Variants in NTN5 observed in about 807,000 individuals in gnomAD.
The protein encoded by NTN5 is netrin 5.
NTN5 carries 42 observed loss-of-function variants against 38.7 expected under a neutral mutation model. The ratio of observed to expected loss-of-function variants is 1.08; its 90% CI spans 0.85 to 1.40. The LOEUF (loss-of-function observed/expected upper bound fraction) is 1.40, where lower values mean the gene tolerates loss of function less well. NTN5 is among the 40% of genes most tolerant of loss of function. The pLI is 0.00. For synonymous variants in NTN5, 329 were observed against 303.9 expected, an observed-to-expected ratio of 1.08 and a Z score of -0.86; for missense variants, 658 against 716.5, an observed-to-expected ratio of 0.92 and a Z score of 0.93.
At chr19:48,669,035 T>C (rs1232950736) in intron 2 of NTN5, among the ~76,000 whole-genome samples, 105 of 65,376 alleles carry the variant, frequency 1.6e-3, no homozygotes, top group East Asian at 4.3e-3. Flanking sequence ...CCACTATCAC[T>C]ATCATCACCA....
At chr19:48,669,035 TATC>T (rs1226461602) in intron 2 of NTN5, among the ~76,000 whole-genome samples, 10 of 65,562 alleles carry the variant, frequency 1.5e-4, no homozygotes, top group South Asian at 1.5e-3. Flanking sequence ...CCACTATCAC[TATC>T]ATCACCACCA....
intron 2 of NTN5, among the ~76,000 whole-genome samples, 157 bp downstream of exon 2, chr19:48,670,198 CT>C (rs937593195): frequency 1.2e-4 from 18 of 152,136 alleles, no homozygotes; most frequent in African/African-American, 4.3e-4. Context: ...ACAGGACTGG[CT>C]GCAGGGAGGA....
intron 5 of NTN5, 106 bp from the exon 6 acceptor site, chr19:48,663,649 A>T: frequency 6.6e-7 from 1 of 1,516,664 alleles, no homozygotes; most frequent in Non-Finnish European, 9.1e-7. Flanking sequence ...GGGGTACCCA[A>T]ACCTTTGGGA....
chr19:48,669,801 C>T (rs1177593160), intron 2 of NTN5, among the ~76,000 whole-genome samples: 19 of 87,790 alleles, frequency 2.2e-4, no homozygotes, highest in Middle Eastern at 8.2e-3. Flanking sequence ...ATCACCATCA[C>T]CACCATCATC....
At chr19:48,669,858 C>T (rs368766708) in intron 2 of NTN5, among the ~76,000 whole-genome samples, 10 of 103,568 alleles carry the variant, frequency 9.7e-5, no homozygotes, top group South Asian at 3.4e-4. Context: ...ACCATCACCA[C>T]CACCATCACC....
intron 2 of NTN5, among the ~76,000 whole-genome samples, chr19:48,669,780 A>AT (rs1430361517): frequency 2.0e-4 from 8 of 40,056 alleles, no homozygotes; most frequent in Non-Finnish European, 3.2e-4. Context: ...CATCACCATC[A>AT]CACCACCACC....
intron 2 of NTN5, 77 bp from the exon 3 acceptor site, chr19:48,664,844 C>G: frequency 3.8e-6 from 5 of 1,300,896 alleles, no homozygotes; most frequent in Non-Finnish European, 5.1e-6. Context: ...TCCCATGGCC[C>G]TGCCCTCATG....
At position 48,671,328 on chromosome 19, in the gene NTN5, C is replaced by T. The variant is rs559035901; in HGVS notation, c.-20-322G>A. 8.7e-5 allele frequency among the ~76,000 whole-genome samples: 13 copies of T among 149,986 alleles called. 1 individual carries two copies. The South Asian group carries it at 2.3e-3, about 27-fold the overall frequency. ...AGAGGGGCTGGCCAAGGCCAGCAGA[C>T]GTGGAAACCTAGAGAGGGACACAGA... On this transcript the variant is annotated intron_variant, in intron 1 of 6. Coordinates refer to ENST00000270235, the MANE Select transcript of NTN5 (RefSeq NM_145807.4).
Position 48,662,049 on chromosome 19 carries a change from G to A in NTN5, c.1106-8C>T. On this transcript the variant is annotated splice_polypyrimidine_tract_variant and splice_region_variant and intron_variant, in intron 6 of 6. Transcript: ENST00000270235. ...GCACCTGCGCGCGGAGAACTGTGGGGAGGGGAGATGTCAGCCCAGGTCGTG... is the reference window on the plus strand; with the variant it reads ...GCACCTGCGCGCGGAGAACTGTGGGAAGGGGAGATGTCAGCCCAGGTCGTG... 6.9e-7 allele frequency: 1 copy of A among 1,458,204 alleles called. No homozygotes were observed. Among genetic ancestry groups the A allele is most frequent in the Non-Finnish European group, 9.0e-7 (1 of 1,113,156 alleles). The allele number at this position is 1,458,204 out of a possible 1,614,324, so 90.3% of individuals were successfully genotyped here.
chr19:48,671,615 G>A (rs1478690848), intron 1 of NTN5, among the ~76,000 whole-genome samples: 1 of 151,940 alleles, frequency 6.6e-6, no homozygotes, highest in Non-Finnish European at 1.5e-5. Flanking sequence ...TGGGCTCAGA[G>A]ACACCCAGCC....
At chr19:48,670,011 TCATCACCACCAC>T (rs1568452891) in intron 2 of NTN5, among the ~76,000 whole-genome samples, 8 of 64,346 alleles carry the variant, frequency 1.2e-4, no homozygotes, top group East Asian at 5.7e-4. Context: ...ATCACCACCA[TCATCACCACCAC>T]CATCACCACC....
chr19:48,664,243 G>GGTCT lies in NTN5; in HGVS notation c.866_869dup (p.Ser291AspfsTer51). On this transcript the variant is annotated frameshift_variant, in exon 4 of 7. Coordinates refer to ENST00000270235, the MANE Select transcript of NTN5 (RefSeq NM_145807.4). LOFTEE classifies it high-confidence loss of function. ...CTAACTTGCAGGTGCACTGCCCACT[G>GGTCT]GTCTGGTTGCAGGTTCCTCCTGTTG... 6.8e-6 allele frequency: 11 copies of GGTCT among 1,612,944 alleles called. No individual in the cohort carries two copies. The highest frequency in any genetic ancestry group is 9.3e-6 in the Non-Finnish European group (11 of 1,179,558).
chr19:48,672,512 C>T (rs935590643), intron 1 of NTN5, among the ~76,000 whole-genome samples: 18 of 152,300 alleles, frequency 1.2e-4, no homozygotes, highest in Admixed American at 2.6e-4. Context: ...ACGCTGCCTC[C>T]CCTGGCCCAG....
Position 48,661,742 on chromosome 19 carries a change from C to G in NTN5, c.1405G>C (p.Glu469Gln). 1 of 1,528,928 alleles carries G rather than the reference C, an allele frequency of 6.5e-7. No homozygotes were observed. The highest frequency in any genetic ancestry group is 1.2e-5 in the South Asian group (1 of 83,826). 94.7% of individuals were successfully genotyped at this position (1,528,928 alleles called of 1,614,324 possible). A position where few individuals can be genotyped will look rare whatever the true frequency, so the allele number is the denominator to read the frequency against. ...CCGCGGCAGCCTCCGGCGCGCTCCT[C>G]CTGCTGCAGCCGCTTCAGGGGCCGG... is the stretch of plus-strand genomic sequence containing the variant. The part of the protein sequence containing the change: ...WARPLKRLQQ[E>Q]ERAGGCRGVR... Residue 469 changes from glutamate to glutamine, a missense_variant, in exon 7 of 7, where the codon GAG (glutamate) becomes CAG (glutamine). Physicochemically the swap from Glu to Gln is conservative, Grantham distance 29. Transcript: ENST00000270235.
chr19:48,669,609 T>TCAC (rs2031853123), intron 2 of NTN5, among the ~76,000 whole-genome samples: 1 of 896 alleles, frequency 1.1e-3, no homozygotes, highest in Non-Finnish European at 2.0e-3. Flanking sequence ...ACCACCACCA[T>TCAC]CATCACCACC....
Position 48,664,288 on chromosome 19 carries a change from G to T in NTN5, c.825C>A (p.Cys275Ter), listed in dbSNP as rs1174091922. ...CTGTTGCCCCAATAGGGTGGCACTGGCAGGCTACATGAGCAGAGGAGCTGG... is the reference window on the plus strand; with the variant it reads ...CTGTTGCCCCAATAGGGTGGCACTGTCAGGCTACATGAGCAGAGGAGCTGG... ...PIFSRRACRA[C>*]QCHPIGATGG... Residue 275 changes from cysteine to a stop codon, truncating the protein, a stop_gained, in exon 4 of 7, where the codon TGC (cysteine) becomes TGA (stop). Coordinates refer to ENST00000270235, the MANE Select transcript of NTN5 (RefSeq NM_145807.4). LOFTEE classifies it high-confidence loss of function. 5 of 1,612,506 alleles carry T rather than the reference G, an allele frequency of 3.1e-6. No individual in the cohort carries two copies. The highest frequency in any genetic ancestry group is 1.7e-5 in the Admixed American group (1 of 59,768).
chr19:48,670,644 A>G lies in NTN5; in HGVS notation c.343T>C (p.Leu115=). 6.2e-7 allele frequency: 1 copy of G among 1,604,196 alleles called. No individual in the cohort carries two copies. Among genetic ancestry groups the G allele is most frequent in the Non-Finnish European group, 8.5e-7 (1 of 1,176,166 alleles). ...LWHRPAWPGA[L]GGPERVTFHS... is the part of the protein sequence containing the mutation. ...AAGGTCACCCTTTCAGGGCCCCCTA[A>G]GGCCCCAGGCCAGGCGGGCCTGTGC... Residue 115 remains leucine (L), a synonymous_variant, in exon 2 of 7, where the codon TTA becomes CTA. Coordinates refer to ENST00000270235, the MANE Select transcript of NTN5 (RefSeq NM_145807.4).
At position 48,670,722 on chromosome 19, in the gene NTN5, C is replaced by G. The variant is rs2031938952; in HGVS notation, c.265G>C (p.Ala89Pro). Residue 89 changes from alanine (A) to proline (P), a missense_variant, in exon 2 of 7, where the codon GCC (alanine) becomes CCC (proline). Ala to Pro is a conservative substitution (Grantham distance 27). Coordinates refer to ENST00000270235, the MANE Select transcript of NTN5 (RefSeq NM_145807.4). ...SLRFCTPGPP[A>P]LILSAAWASG... ...GCCCAGGCAGCAGACAGGATGAGGGCTGGGGGTCCTGGGGTACAGAAGCGC... is the reference window on the plus strand; with the variant it reads ...GCCCAGGCAGCAGACAGGATGAGGGGTGGGGGTCCTGGGGTACAGAAGCGC... The G allele has an allele frequency of 1.2e-6, 2 of 1,612,450 alleles. No homozygotes were observed. Among genetic ancestry groups the G allele is most frequent in the Non-Finnish European group, 1.7e-6 (2 of 1,179,754 alleles).
chr19:48,670,721 G>C lies in NTN5; in HGVS notation c.266C>G (p.Ala89Gly), dbSNP rs758737589. ...SLRFCTPGPP[A>G]LILSAAWASG... ...GGCCCAGGCAGCAGACAGGATGAGG[G>C]CTGGGGGTCCTGGGGTACAGAAGCG... is the stretch of plus-strand genomic sequence containing the variant. Residue 89 changes from alanine (A) to glycine (G), a missense_variant, in exon 2 of 7, where the codon GCC (alanine) becomes GGC (glycine). Ala to Gly is a moderately conservative substitution (Grantham distance 60). Transcript: ENST00000270235. The C allele has an allele frequency of 3.2e-5, 52 of 1,612,574 alleles. No homozygotes were observed. The East Asian group carries it at 1.2e-3, about 36-fold the overall frequency.
Sources: allele counts gnomAD v4.1 joint callset (sites outside exome capture counted in the v4.1 genomes callset), GRCh38; gene constraint gnomAD v4.1.1; transcripts MANE v1.5; gene names NCBI Gene and HGNC (gene_info 2026-07-23, HGNC 2026-07-21).